Variants in LDB2 observed in about 807,000 individuals in gnomAD.
LDB2 encodes LIM domain binding 2.
LDB2 carries 12 observed loss-of-function variants against 44.3 expected under a neutral mutation model. The ratio of observed to expected loss-of-function variants is 0.27; its 90% confidence interval spans 0.17 to 0.44. The LOEUF (loss-of-function observed/expected upper bound fraction) is 0.44, where lower values mean the gene tolerates loss of function less well. Among genes scored for constraint, LDB2 ranks in the 20% least tolerant of loss-of-function variants. The pLI, the probability that LDB2 is intolerant of heterozygous loss-of-function variation, is 1.00. For missense variants in LDB2, 344 were observed against 473.5 expected, an observed-to-expected ratio of 0.73 and a Z score of 2.54; for synonymous variants, 164 against 174.8, an observed-to-expected ratio of 0.94 and a Z score of 0.49.
chr4:16,841,081 C>A (rs1222501697), intron 1 of LDB2, among the ~76,000 whole-genome samples: 3 of 152,134 alleles, frequency 2.0e-5, no homozygotes, highest in African/African-American at 7.2e-5. Flanking sequence ...ATTGGGTACA[C>A]CACATATGCC....
intron 2 of LDB2, among the ~76,000 whole-genome samples, chr4:16,615,665 T>C (rs1267824101): frequency 2.6e-5 from 4 of 152,090 alleles, no homozygotes; most frequent in Admixed American, 2.0e-4. Context: ...CAAACCACCA[T>C]GGCACACATA....
At chr4:16,652,801 G>T (rs148349557) in intron 2 of LDB2, among the ~76,000 whole-genome samples, 9 of 152,102 alleles carry the variant, frequency 5.9e-5, no homozygotes, top group Non-Finnish European at 1.0e-4. Flanking sequence ...AGTCATTCAC[G>T]CAGCTCCCCC....
At chr4:16,714,881 TG>T (rs1172710443) in intron 2 of LDB2, among the ~76,000 whole-genome samples, 1 of 152,096 alleles carries the variant, frequency 6.6e-6, no homozygotes, top group Non-Finnish European at 1.5e-5. Flanking sequence ...CTTTCTCTTC[TG>T]GGGACATCGG....
intron 1 of LDB2, among the ~76,000 whole-genome samples, chr4:16,874,376 TATCA>T (rs1194294747): frequency 1.3e-5 from 2 of 152,212 alleles, no homozygotes; most frequent in Non-Finnish European, 2.9e-5. Flanking sequence ...TTTTTTCCAA[TATCA>T]ATCTGATGTC....
chr4:16,608,341 G>C (rs1279412852), intron 2 of LDB2, among the ~76,000 whole-genome samples: 1 of 152,144 alleles, frequency 6.6e-6, no homozygotes, highest in African/African-American at 2.4e-5. Flanking sequence ...GGAGTCCACA[G>C]GGGGCTGTGC....
At chr4:16,818,615 C>G (rs1365344641) in intron 1 of LDB2, among the ~76,000 whole-genome samples, 2 of 152,052 alleles carry the variant, frequency 1.3e-5, no homozygotes, top group Non-Finnish European at 2.9e-5. Context: ...TCTCAATGAC[C>G]ACCTACCAGG....
At chr4:16,504,825 G>T (rs778152291) in intron 7 of LDB2, among the ~76,000 whole-genome samples, 10 of 152,228 alleles carry the variant, frequency 6.6e-5, no homozygotes, top group Non-Finnish European at 1.0e-4. Context: ...GAGATGGAAA[G>T]AATAGGGCTA....
intron 2 of LDB2, among the ~76,000 whole-genome samples, chr4:16,641,809 T>G (rs1735245830): frequency 6.6e-6 from 1 of 151,858 alleles, no homozygotes; most frequent in South Asian, 2.1e-4. Flanking sequence ...AGCAAGTACT[T>G]GAGAAGCAAA....
chr4:16,883,042 T>C (rs1580464096), intron 1 of LDB2, among the ~76,000 whole-genome samples: 1 of 152,206 alleles, frequency 6.6e-6, no homozygotes, highest in Non-Finnish European at 1.5e-5. Flanking sequence ...CCATCGAGCC[T>C]TCCTTTATGT....
intron 5 of LDB2, among the ~76,000 whole-genome samples, chr4:16,556,953 T>C (rs1739849195): frequency 6.6e-6 from 1 of 152,202 alleles, no homozygotes; most frequent in Admixed American, 6.5e-5. Flanking sequence ...CAAGTAGATT[T>C]TTAAATAGTA....
chr4:16,512,218 G>T, intron 5 of LDB2, 114 bp from the exon 6 acceptor site: 1 of 1,015,838 alleles, frequency 9.8e-7, no homozygotes, highest in South Asian at 2.6e-5. Flanking sequence ...TATTTTCCTG[G>T]TTTTGATTTT....
intron 2 of LDB2, among the ~76,000 whole-genome samples, chr4:16,635,895 C>CT (rs1733462056): frequency 6.6e-6 from 1 of 152,074 alleles, no homozygotes; most frequent in Non-Finnish European, 1.5e-5. Flanking sequence ...AATGTAAGAG[C>CT]TTTGCCTCGC....
intron 5 of LDB2, among the ~76,000 whole-genome samples, chr4:16,557,497 G>A (rs1319930950): frequency 1.3e-5 from 2 of 152,234 alleles, no homozygotes; most frequent in Non-Finnish European, 2.9e-5. Context: ...GGCGGCGGCA[G>A]CGAGGCTGGG....
chr4:16,607,214 C>A (rs1396339355), intron 2 of LDB2, among the ~76,000 whole-genome samples: 1 of 152,172 alleles, frequency 6.6e-6, no homozygotes, highest in African/African-American at 2.4e-5. Flanking sequence ...TTCTCAATGC[C>A]ATTTCAATCT....
chr4:16,774,010 C>G (rs1274281606), intron 1 of LDB2, among the ~76,000 whole-genome samples: 1 of 48,110 alleles, frequency 2.1e-5, no homozygotes, highest in Admixed American at 1.6e-4. Context: ...AAAAAAATAG[C>G]TGGGCGTGCT....
intron 1 of LDB2, among the ~76,000 whole-genome samples, chr4:16,776,336 C>T (rs1437580717): frequency 6.6e-6 from 1 of 152,256 alleles, no homozygotes; most frequent in Admixed American, 6.5e-5. Flanking sequence ...AACCTGCCCA[C>T]TTTCCCCACT....
At chr4:16,830,271 G>A (rs922178774) in intron 1 of LDB2, among the ~76,000 whole-genome samples, 3 of 152,118 alleles carry the variant, frequency 2.0e-5, no homozygotes, top group East Asian at 1.9e-4. Flanking sequence ...TTTCCCCCAC[G>A]CTGTTCTCAT....
chr4:16,791,085 A>G (rs558425680), intron 1 of LDB2, among the ~76,000 whole-genome samples: 2 of 152,302 alleles, frequency 1.3e-5, no homozygotes, highest in East Asian at 3.9e-4. Context: ...AGCTTTCTCT[A>G]CTGATGCCCA....
chr4:16,878,782 T>C (rs1030276566), intron 1 of LDB2, among the ~76,000 whole-genome samples: 2 of 152,214 alleles, frequency 1.3e-5, no homozygotes, highest in Non-Finnish European at 2.9e-5. Context: ...TAAAATGCCA[T>C]CTTGGCATCG....
Sources: allele counts gnomAD v4.1 joint callset (sites outside exome capture counted in the v4.1 genomes callset), GRCh38; gene constraint gnomAD v4.1.1; transcripts MANE v1.5; gene names NCBI Gene and HGNC (gene_info 2026-07-23, HGNC 2026-07-21).